Variants in LRRC8C observed in about 807,000 individuals in gnomAD.
LRRC8C encodes leucine rich repeat containing 8 VRAC subunit C.
A neutral mutation model predicts 55.3 loss-of-function variants in LRRC8C; 20 were observed. The ratio of observed to expected loss-of-function variants is 0.36; its 90% CI spans 0.25 to 0.53. LRRC8C has a LOEUF of 0.53. Ranked by LOEUF, LRRC8C falls within the 20% of genes least tolerant of loss-of-function variation. LRRC8C has a pLI of 0.92. For missense variants in LRRC8C, 659 were observed against 951.4 expected, an observed-to-expected ratio of 0.69 and a Z score of 4.04; for synonymous variants, 376 against 360.7, an observed-to-expected ratio of 1.04 and a Z score of -0.48.
chr1:89,694,685 T>G (rs1440174300), intron 2 of LRRC8C, among the ~76,000 whole-genome samples: 1 of 149,904 alleles, frequency 6.7e-6, no homozygotes, highest in Non-Finnish European at 1.5e-5. Flanking sequence ...CTTCCCGGGT[T>G]CAAGTGGTTC....
chr1:89,632,404 C>G (rs1271914667), upstream of LRRC8C, among the ~76,000 whole-genome samples: 29 of 152,168 alleles, frequency 1.9e-4, no homozygotes, highest in Admixed American at 1.9e-3. Context: ...ATTGCAGGGG[C>G]GGTGCAGTTG....
At position 89,717,631 on chromosome 1, in the gene LRRC8C, G is replaced by A. The variant is rs1658865216; in HGVS notation, c.*2649G>A. ...TTTTGAGTCTAAATTTTCTGACACT[G>A]GCCCCTTTTAATATTGTAAGTTTTT... On this transcript the variant is annotated 3_prime_UTR_variant, in exon 3 of 3. Coordinates refer to ENST00000370454, the MANE Select transcript of LRRC8C (RefSeq NM_032270.5). The A allele has an allele frequency of 6.6e-6, 1 of 151,948 alleles. No individual in the cohort carries two copies. Among genetic ancestry groups the A allele is most frequent in the Admixed American group, 6.6e-5 (1 of 15,258 alleles). 9.4% of individuals were successfully genotyped at this position (151,948 alleles called of 1,614,324 possible).
upstream of LRRC8C, among the ~76,000 whole-genome samples, chr1:89,628,572 T>C (rs1219178993): frequency 6.6e-6 from 1 of 152,090 alleles, no homozygotes; most frequent in Non-Finnish European, 1.5e-5. Context: ...ATGCTTGGGT[T>C]CAATGAAGTA....
chr1:89,717,354 TTAACTAAAAATC>T lies in LRRC8C; in HGVS notation c.*2374_*2385del, dbSNP rs1361224998. 1 of 152,184 alleles carries T rather than the reference TTAACTAAAAATC, an allele frequency of 6.6e-6. No homozygotes were observed. Among genetic ancestry groups the T allele is most frequent in the East Asian group, 1.9e-4 (1 of 5,202 alleles). The allele number at this position is 152,184 out of a possible 1,614,324, so 9.4% of individuals were successfully genotyped here. ...CTTATGCTGAAGTCTTTATCTGGTG[TTAACTAAAAATC>T]TCATATGGGTTCATAACCGAGGTCA... On this transcript the variant is annotated 3_prime_UTR_variant, in exon 3 of 3. Coordinates refer to ENST00000370454, the MANE Select transcript of LRRC8C (RefSeq NM_032270.5).
chr1:89,626,058 GC>G, the LRRC8C span, among the ~76,000 whole-genome samples: 2 of 152,152 alleles, frequency 1.3e-5, no homozygotes, highest in South Asian at 4.1e-4. Flanking sequence ...CATGGGTACA[GC>G]CAGTCATTTG....
chr1:89,692,858 G>A (rs1037052589), intron 2 of LRRC8C, among the ~76,000 whole-genome samples: 1 of 152,118 alleles, frequency 6.6e-6, no homozygotes, highest in Non-Finnish European at 1.5e-5. Context: ...AGGTCAACAC[G>A]TTGCTTCCTG....
At chr1:89,638,638 A>C (rs930585604) in intron 1 of LRRC8C, among the ~76,000 whole-genome samples, 8 of 152,202 alleles carry the variant, frequency 5.3e-5, no homozygotes, top group Admixed American at 3.9e-4. Context: ...CTGGAATTAA[A>C]TTACTTTTTT....
intron 2 of LRRC8C, among the ~76,000 whole-genome samples, chr1:89,705,821 G>T (rs892480230): frequency 6.6e-6 from 1 of 151,710 alleles, no homozygotes; most frequent in African/African-American, 2.4e-5. Context: ...ACAGATTTAT[G>T]GTAGCAAAAA....
chr1:89,677,059 T>G (rs1657571764), intron 1 of LRRC8C, among the ~76,000 whole-genome samples: 1 of 152,170 alleles, frequency 6.6e-6, no homozygotes, highest in Admixed American at 6.5e-5. Flanking sequence ...AGCCTTGAAA[T>G]GTACAGCCTG....
chr1:89,686,384 G>A (rs1473182265), intron 1 of LRRC8C, 86 bp from the exon 2 acceptor site: 7 of 1,398,290 alleles, frequency 5.0e-6, no homozygotes, highest in Non-Finnish European at 6.0e-6. Context: ...GACCTCTGCT[G>A]TGAGGAGTTG....
At chr1:89,660,639 C>T (rs1657092624) in intron 1 of LRRC8C, among the ~76,000 whole-genome samples, 2 of 152,174 alleles carry the variant, frequency 1.3e-5, no homozygotes, top group Admixed American at 1.3e-4. Context: ...TGTGTTTTCC[C>T]TTTGAAAACA....
chr1:89,650,604 A>G (rs537678753), intron 1 of LRRC8C, among the ~76,000 whole-genome samples: 2 of 152,312 alleles, frequency 1.3e-5, no homozygotes, highest in East Asian at 3.8e-4. Flanking sequence ...CTCACTTCCA[A>G]GTTTTGAATA....
intron 1 of LRRC8C, among the ~76,000 whole-genome samples, chr1:89,675,079 A>G (rs192944819): frequency 2.9e-4 from 44 of 152,370 alleles, no homozygotes; most frequent in African/African-American, 9.9e-4. Flanking sequence ...TATAAGTACC[A>G]GTCTACCATC....
intron 1 of LRRC8C, among the ~76,000 whole-genome samples, chr1:89,645,957 T>TTAGATAGATAGATAGATAGATAGA (rs1557647284): frequency 1.6e-5 from 1 of 63,798 alleles, no homozygotes; most frequent in South Asian, 4.1e-4. Flanking sequence ...AGGAAGATGA[T>TTAGATAGATAGATAGATAGATAGA]CAGATAGATA....
At chr1:89,686,329 C>A in intron 1 of LRRC8C, 141 bp from the exon 2 acceptor site, 1 of 756,180 alleles carries the variant, frequency 1.3e-6, no homozygotes, top group Non-Finnish European at 2.1e-6. Context: ...TATTCAGTGG[C>A]TCATCAAAAC....
At chr1:89,697,444 T>C (rs1240652302) in intron 2 of LRRC8C, among the ~76,000 whole-genome samples, 1 of 152,202 alleles carries the variant, frequency 6.6e-6, no homozygotes, top group Non-Finnish European at 1.5e-5. Flanking sequence ...GCAGGGTTTC[T>C]AGAGCTAAGT....
chr1:89,691,074 G>A (rs1570728228), intron 2 of LRRC8C, among the ~76,000 whole-genome samples: 1 of 152,250 alleles, frequency 6.6e-6, no homozygotes, highest in South Asian at 2.1e-4. Flanking sequence ...AAACAATCCT[G>A]TGCATCAGCA....
At chr1:89,675,245 GAGCA>G (rs1657520592) in intron 1 of LRRC8C, among the ~76,000 whole-genome samples, 1 of 152,100 alleles carries the variant, frequency 6.6e-6, no homozygotes, top group Non-Finnish European at 1.5e-5. Flanking sequence ...CTAGGCCCCA[GAGCA>G]AGGAATATAA....
the LRRC8C span, among the ~76,000 whole-genome samples, chr1:89,617,950 C>A: frequency 6.6e-6 from 1 of 152,164 alleles, no homozygotes; most frequent in Non-Finnish European, 1.5e-5. Context: ...ATGGACCCAA[C>A]GCACACACTC....
Sources: gnomAD v4.1 joint callset for allele counts (sites outside exome capture counted in the v4.1 genomes callset) on GRCh38, gnomAD v4.1.1 for gene constraint, MANE v1.5 for transcripts, NCBI Gene and HGNC (gene_info 2026-07-23, HGNC 2026-07-21) for gene names.